The following LINGO2 variants were observed in gnomAD, a reference collection of about 807,000 sequenced individuals.
LINGO2 encodes the protein leucine-rich repeat and immunoglobulin-like domain-containing nogo receptor-interacting protein 2.
Under a neutral mutation model 30.6 loss-of-function variants are expected in LINGO2, and 14 were observed. That is an observed-to-expected ratio of 0.46 (90% CI 0.30 to 0.72). The LOEUF (loss-of-function observed/expected upper bound fraction) is 0.72. Ranked by LOEUF, LINGO2 falls within the 30% of genes least tolerant of loss-of-function variation. The pLI, the probability that LINGO2 is intolerant of heterozygous loss-of-function variation, is 0.07. For missense variants in LINGO2, 729 were observed against 751.7 expected (o/e 0.97, Z 0.35); for synonymous variants, 317 against 288.5 (o/e 1.10, Z -1.00).
intron 1 of LINGO2, among the ~76,000 whole-genome samples, chr9:28,521,749 G>GT (rs1370145392): frequency 9.2e-5 from 14 of 152,150 alleles, no homozygotes; most frequent in African/African-American, 3.1e-4. Context: ...CTTCTTTGCA[G>GT]ATATAATCAA....
At chr9:28,704,484 A>G in the LINGO2 span, among the ~76,000 whole-genome samples, 1 of 151,328 alleles carries the variant, frequency 6.6e-6, no homozygotes, top group South Asian at 2.1e-4. Flanking sequence ...TAATTTGAGG[A>G]CATTCTGAGT....
chr9:28,446,956 C>T (rs936909847), intron 2 of LINGO2, among the ~76,000 whole-genome samples: 4 of 152,130 alleles, frequency 2.6e-5, no homozygotes, highest in African/African-American at 9.7e-5. Flanking sequence ...CTAAAAAGTG[C>T]CAGACTCCTT....
the LINGO2 span, among the ~76,000 whole-genome samples, chr9:28,999,753 T>C: frequency 2.6e-5 from 4 of 152,004 alleles, no homozygotes; most frequent in Non-Finnish European, 4.4e-5. Context: ...TGAGTGTATA[T>C]TGTGCATTAT....
At chr9:28,637,395 T>A (rs1316936526) in intron 1 of LINGO2, among the ~76,000 whole-genome samples, 1 of 152,216 alleles carries the variant, frequency 6.6e-6, no homozygotes, top group Non-Finnish European at 1.5e-5. Context: ...GCATTGAATC[T>A]ATAAATTACC....
chr9:28,438,575 T>C (rs1191708953), intron 2 of LINGO2, among the ~76,000 whole-genome samples: 2 of 152,110 alleles, frequency 1.3e-5, no homozygotes, highest in Non-Finnish European at 2.9e-5. Context: ...CTTTTAGGCT[T>C]CCATGATCAC....
chr9:28,729,166 T>A, the LINGO2 span, among the ~76,000 whole-genome samples: 1 of 152,068 alleles, frequency 6.6e-6, no homozygotes, highest in Non-Finnish European at 1.5e-5. Flanking sequence ...AGCAGACTAG[T>A]ATCATGCTGG....
the LINGO2 span, among the ~76,000 whole-genome samples, chr9:29,148,315 A>C: frequency 6.6e-6 from 1 of 152,192 alleles, no homozygotes; most frequent in African/African-American, 2.4e-5. Context: ...AATATGTTTG[A>C]AGTATCTTCT....
intron 3 of LINGO2, among the ~76,000 whole-genome samples, chr9:28,305,160 T>C (rs1326655971): frequency 1.3e-5 from 2 of 152,026 alleles, no homozygotes; most frequent in African/African-American, 4.8e-5. Flanking sequence ...CAAAAAGCAT[T>C]TGACAAAATT....
chr9:29,055,936 G>GTATATATA, the LINGO2 span, among the ~76,000 whole-genome samples: 475 of 121,540 alleles, frequency 3.9e-3, 17 homozygotes, highest in East Asian at 0.011. Context: ...GTGTATGTGT[G>GTATATATA]TGTGTATATA....
chr9:28,072,865 T>C (rs1239124898), intron 4 of LINGO2, among the ~76,000 whole-genome samples: 1 of 152,028 alleles, frequency 6.6e-6, no homozygotes. Flanking sequence ...GTACTCATGG[T>C]GCTTTTAGGC....
the LINGO2 span, among the ~76,000 whole-genome samples, chr9:29,104,043 CAT>C: frequency 1.3e-5 from 2 of 152,156 alleles, no homozygotes; most frequent in African/African-American, 4.8e-5. Flanking sequence ...GTACCCAACA[CAT>C]AGTCAGTGCT....
At chr9:28,710,742 T>C in the LINGO2 span, among the ~76,000 whole-genome samples, 2 of 152,092 alleles carry the variant, frequency 1.3e-5, no homozygotes, top group African/African-American at 4.8e-5. Flanking sequence ...AGATCAGTCC[T>C]TGATTAACCC....
chr9:29,006,074 G>A, the LINGO2 span, among the ~76,000 whole-genome samples: 2 of 151,028 alleles, frequency 1.3e-5, no homozygotes, highest in African/African-American at 2.4e-5. Context: ...TATTTAAAAG[G>A]GACTTTTATT....
intron 1 of LINGO2, among the ~76,000 whole-genome samples, chr9:28,493,781 T>TA (rs1819469033): frequency 6.6e-6 from 1 of 152,134 alleles, no homozygotes; most frequent in East Asian, 1.9e-4. Flanking sequence ...ACAGATCTAA[T>TA]AAACTGCCAG....
At chr9:29,133,027 T>C in the LINGO2 span, among the ~76,000 whole-genome samples, 1 of 152,102 alleles carries the variant, frequency 6.6e-6, no homozygotes, top group Admixed American at 6.6e-5. Flanking sequence ...GATGTAAGTA[T>C]TTATTATTTA....
chr9:29,045,266 T>C, the LINGO2 span, among the ~76,000 whole-genome samples: 1 of 152,112 alleles, frequency 6.6e-6, no homozygotes, highest in African/African-American at 2.4e-5. Context: ...TTCCGTTTAC[T>C]ATTTTCAGAC....
chr9:28,666,317 C>T (rs1056721163), intron 1 of LINGO2, among the ~76,000 whole-genome samples: 2 of 152,088 alleles, frequency 1.3e-5, no homozygotes, highest in Non-Finnish European at 2.9e-5. Context: ...TCTGCAGAGA[C>T]ATACAAATGG....
chr9:28,904,034 G>A, the LINGO2 span, among the ~76,000 whole-genome samples: 1 of 152,064 alleles, frequency 6.6e-6, no homozygotes, highest in Non-Finnish European at 1.5e-5. Flanking sequence ...ATTTATCCTG[G>A]TGATACAAGG....
chr9:28,869,441 G>T, the LINGO2 span, among the ~76,000 whole-genome samples: 11 of 152,080 alleles, frequency 7.2e-5, no homozygotes, highest in East Asian at 1.5e-3. Flanking sequence ...AACAAGGAGT[G>T]GGGGGAGGGG....
Sources: allele counts gnomAD v4.1 joint callset (sites outside exome capture counted in the v4.1 genomes callset), GRCh38; gene constraint gnomAD v4.1.1; transcripts MANE v1.5; gene names NCBI Gene and HGNC (gene_info 2026-07-23, HGNC 2026-07-21).